Variants in TAB2 observed in about 807,000 individuals in gnomAD.
TAB2 encodes TGF-beta activated kinase 1 (MAP3K7) binding protein 2, also known as TGF-beta-activated kinase 1 and MAP3K7-binding protein 2.
TAB2 carries 3 observed loss-of-function variants against 65.0 expected under a neutral mutation model. The ratio of observed to expected loss-of-function variants is 0.05; its 90% confidence interval spans 0.02 to 0.12. The LOEUF (loss-of-function observed/expected upper bound fraction) is 0.12, where lower values mean the gene tolerates loss of function less well. Among genes scored for constraint, TAB2 ranks in the 10% least tolerant of loss-of-function variants. The pLI, the probability that TAB2 is intolerant of heterozygous loss-of-function variation, is 1.00. For synonymous variants in TAB2, 298 were observed against 285.1 expected (o/e 1.05, Z -0.46); for missense variants, 623 against 840.3 (o/e 0.74, Z 3.20).
chr6:149,228,990 G>A (rs538796925), intron 1 of TAB2, among the ~76,000 whole-genome samples: 1 of 152,210 alleles, frequency 6.6e-6, no homozygotes, highest in African/African-American at 2.4e-5. Context: ...AACTCTTCTT[G>A]TTTGAGAAAT....
intron 1 of TAB2, among the ~76,000 whole-genome samples, chr6:149,253,700 G>C (rs1458104868): frequency 6.6e-6 from 1 of 151,228 alleles, no homozygotes; most frequent in African/African-American, 2.4e-5. Context: ...GAGAGGGGCG[G>C]ATCGCAAAGT....
chr6:149,292,704 A>G (rs1308846622), intron 1 of TAB2, among the ~76,000 whole-genome samples: 4 of 152,228 alleles, frequency 2.6e-5, no homozygotes, highest in Non-Finnish European at 1.5e-5. Flanking sequence ...GAAATCCAGC[A>G]TATTTTTGAT....
At chr6:149,234,294 C>T (rs527305934) in intron 1 of TAB2, among the ~76,000 whole-genome samples, 82 of 152,260 alleles carry the variant, frequency 5.4e-4, no homozygotes, top group Non-Finnish European at 6.9e-4. Flanking sequence ...TCTTGCTACT[C>T]GGATGTTTTA....
At chr6:149,287,459 A>G (rs1778696345) in intron 1 of TAB2, among the ~76,000 whole-genome samples, 1 of 147,210 alleles carries the variant, frequency 6.8e-6, no homozygotes, top group Non-Finnish European at 1.5e-5. Context: ...ACAAGGGAAT[A>G]TAACAAGCAA....
intron 1 of TAB2, among the ~76,000 whole-genome samples, chr6:149,236,746 C>T (rs1777502970): frequency 1.3e-5 from 2 of 152,100 alleles, no homozygotes; most frequent in East Asian, 1.9e-4. Context: ...TGTTGGCTTC[C>T]CTAGGCTACT....
intron 1 of TAB2, among the ~76,000 whole-genome samples, chr6:149,261,376 T>G (rs889486555): frequency 6.6e-6 from 1 of 152,238 alleles, no homozygotes; most frequent in African/African-American, 2.4e-5. Flanking sequence ...AATATGCATT[T>G]ACTGGTATTG....
At chr6:149,253,719 C>T (rs757505517) in intron 1 of TAB2, among the ~76,000 whole-genome samples, 3 of 150,424 alleles carry the variant, frequency 2.0e-5, no homozygotes, top group South Asian at 2.1e-4. Flanking sequence ...GTCAAGAGAT[C>T]GAGCCCATCC....
chr6:149,254,509 A>G (rs1003455053), intron 1 of TAB2, among the ~76,000 whole-genome samples: 4 of 152,194 alleles, frequency 2.6e-5, no homozygotes, highest in Non-Finnish European at 5.9e-5. Context: ...ACAGGCAACT[A>G]CTTGTGATCT....
At chr6:149,368,280 T>C (rs924083813) in intron 1 of TAB2, among the ~76,000 whole-genome samples, 4 of 152,144 alleles carry the variant, frequency 2.6e-5, no homozygotes, top group Admixed American at 2.0e-4. Flanking sequence ...AGAGATCTAG[T>C]AAGTTGAGGA....
In TAB2 at chr6:149,341,453, A is replaced by G. The variant is rs1324781413; in HGVS notation, c.-90+23438A>G. On this transcript the variant is annotated intron_variant, in intron 1 of 6. Transcript: ENST00000637181. Reference sequence around the variant, plus strand: ...AAGAAAATGTGTTACATTCTTTAATAATGCAGAAAAATATATTGAATGCCT... The same window carrying G: ...AAGAAAATGTGTTACATTCTTTAATGATGCAGAAAAATATATTGAATGCCT... 7.2e-5 allele frequency among the ~76,000 whole-genome samples: 11 copies of G among 152,178 alleles called. No homozygotes were observed. The East Asian group carries it at 2.1e-3, about 29-fold the overall frequency.
chr6:149,396,144 A>C (rs1306402598), intron 3 of TAB2, among the ~76,000 whole-genome samples: 2 of 152,030 alleles, frequency 1.3e-5, no homozygotes. Context: ...CAGCCTCCCA[A>C]GTAGCTGGGA....
intron 3 of TAB2, among the ~76,000 whole-genome samples, chr6:149,393,600 ACT>A (rs1782068511): frequency 6.6e-6 from 1 of 151,968 alleles, no homozygotes; most frequent in African/African-American, 2.4e-5. Context: ...TATCTCTCAA[ACT>A]CTATGATTTA....
Position 149,369,904 on chromosome 6 carries a change from C to T in TAB2, c.-89-5C>T. The stretch of plus-strand genomic sequence containing the variant: ...TCATTAAAATTTTTTTTCTTTCTTT[C>T]ACAGAAAATGCTTGGACAGAAGAGA... On this transcript the variant is annotated splice_region_variant and splice_polypyrimidine_tract_variant and intron_variant, in intron 1 of 6. Coordinates refer to ENST00000637181, the MANE Select transcript of TAB2 (RefSeq NM_001292034.3). 4 of 1,135,380 alleles carry T rather than the reference C, an allele frequency of 3.5e-6. No homozygotes were observed. In the Admixed American group the frequency reaches 5.6e-5, roughly 16 times the overall value. 70.3% of individuals were successfully genotyped at this position (1,135,380 alleles called of 1,614,324 possible). A position where few individuals can be genotyped will look rare whatever the true frequency, so the allele number is the denominator to read the frequency against.
intron 1 of TAB2, among the ~76,000 whole-genome samples, chr6:149,270,898 T>C (rs1778349345): frequency 6.6e-6 from 1 of 152,134 alleles, no homozygotes; most frequent in Admixed American, 6.6e-5. Context: ...AGGATTCTGG[T>C]CTTGAAGAGT....
chr6:149,247,635 C>G (rs1045773418), intron 1 of TAB2: 1 of 152,174 alleles, frequency 6.6e-6, no homozygotes, highest in Non-Finnish European at 1.5e-5. Context: ...TCATAACTGC[C>G]CCTATGGGGT....
chr6:149,347,750 G>A (rs1293224901), intron 1 of TAB2, among the ~76,000 whole-genome samples: 2 of 151,870 alleles, frequency 1.3e-5, no homozygotes, highest in African/African-American at 4.8e-5. Context: ...AAAACTTTAT[G>A]TTAAATTAAC....
At chr6:149,258,203 C>T (rs1250385741) in intron 1 of TAB2, among the ~76,000 whole-genome samples, 1 of 152,102 alleles carries the variant, frequency 6.6e-6, no homozygotes, top group African/African-American at 2.4e-5. Flanking sequence ...TGAGTCTCTA[C>T]TCTAGTGGTG....
chr6:149,228,314 C>G (rs1777327299), intron 1 of TAB2, among the ~76,000 whole-genome samples: 1 of 152,162 alleles, frequency 6.6e-6, no homozygotes, highest in Non-Finnish European at 1.5e-5. Flanking sequence ...TCTGGCCCCA[C>G]GTGTTGAAAG....
chr6:149,266,896 G>A (rs890630926), intron 1 of TAB2, among the ~76,000 whole-genome samples: 16 of 152,112 alleles, frequency 1.1e-4, no homozygotes, highest in African/African-American at 3.4e-4. Context: ...TTGTAGAACC[G>A]AAAATGCAAA....
Sources: gnomAD v4.1 joint callset for allele counts (sites outside exome capture counted in the v4.1 genomes callset) on GRCh38, gnomAD v4.1.1 for gene constraint, MANE v1.5 for transcripts, NCBI Gene and HGNC (gene_info 2026-07-23, HGNC 2026-07-21) for gene names.